RANBP17: variants seen among roughly 807,000 people sequenced by gnomAD.
RANBP17 encodes RAN binding protein 17, also known as ran-binding protein 17.
Under a neutral mutation model 141.2 loss-of-function variants are expected in RANBP17, and 158 were observed. The ratio of observed to expected loss-of-function variants is 1.12; its 90% CI spans 0.98 to 1.28. The LOEUF (loss-of-function observed/expected upper bound fraction) is 1.28. Among genes scored for constraint, RANBP17 ranks in the 50% most tolerant of loss-of-function variants. The probability of loss-of-function intolerance (pLI) is 0.00; values close to 1 mark genes in which losing one functional copy is unlikely to be tolerated. For synonymous variants in RANBP17, 430 were observed against 450.0 expected (o/e 0.96, Z 0.56); for missense variants, 1,438 against 1,290.7 (o/e 1.11, Z -1.75).
intron 22 of RANBP17, among the ~76,000 whole-genome samples, chr5:171,239,248 A>G (rs1467379935): frequency 6.6e-6 from 1 of 152,168 alleles, no homozygotes; most frequent in African/African-American, 2.4e-5. Context: ...ATGGACTTCT[A>G]AGGCTACACA....
At position 171,183,346 on chromosome 5, in the gene RANBP17, A is replaced by C; in HGVS notation, c.1954A>C (p.Ile652Leu). The change falls in exon 18 of 28, where the codon ATC (isoleucine) becomes CTC (leucine). Residue 652 changes from isoleucine (I) to leucine (L), a missense_variant. Ile to Leu is a conservative substitution (Grantham distance 5, BLOSUM62 2). Coordinates refer to ENST00000523189, the MANE Select transcript of RANBP17 (RefSeq NM_022897.5). ...GAGTGAACACTTCCCTTTTCTTGGC[A>C]TCAGTGACAATCATAGTCTCAGCGA... ...HTSEHFPFLG[I>L]SDNHSLSDFR... is the part of the protein sequence containing the mutation. 1.2e-6 allele frequency: 2 copies of C among 1,614,048 alleles called. No homozygotes were observed. Among genetic ancestry groups the C allele is most frequent in the Middle Eastern group, 1.6e-4 (1 of 6,062 alleles).
rs1252409215 is a variant in RANBP17 at position 171,176,104 on chromosome 5, ACT to A, written c.1865+4823_1865+4824del. ...ATTCCTTCCATTTGGCCTCAGACTG[ACT>A]CTCTAAGATTATCCCCTTAAGTTCC... On this transcript the variant is annotated intron_variant, in intron 16 of 27. Transcript: ENST00000523189. 9.2e-5 allele frequency among the ~76,000 whole-genome samples: 14 copies of A among 151,996 alleles called. 1 individual carries two copies. Among genetic ancestry groups the A allele is most frequent in the Admixed American group, 9.2e-4 (14 of 15,248 alleles).
intron 4 of RANBP17, among the ~76,000 whole-genome samples, chr5:170,894,019 G>A (rs962669301): frequency 6.6e-6 from 1 of 152,158 alleles, no homozygotes; most frequent in Non-Finnish European, 1.5e-5. Flanking sequence ...GCTAGGTTAT[G>A]CTGCTTCTGT....
chr5:170,907,654 T>G (rs1771176103), intron 5 of RANBP17, among the ~76,000 whole-genome samples: 2 of 152,140 alleles, frequency 1.3e-5, no homozygotes, highest in South Asian at 2.1e-4. Context: ...AAATCATCCT[T>G]TATTTCAAAA....
At chr5:171,257,477 G>A (rs1765974989) in intron 24 of RANBP17, among the ~76,000 whole-genome samples, 1 of 152,100 alleles carries the variant, frequency 6.6e-6, no homozygotes, top group South Asian at 2.1e-4. Flanking sequence ...AAAGTTGAAA[G>A]CATTCCCTCT....
chr5:171,048,062 A>G, intron 14 of RANBP17, among the ~76,000 whole-genome samples: 1 of 151,876 alleles, frequency 6.6e-6, no homozygotes, highest in East Asian at 1.9e-4. Flanking sequence ...ATTTAATGTG[A>G]GTTTCTGATA....
rs749373427 is a variant in RANBP17, at chr5:171,182,316, T to C, written c.1866-851T>C. On this transcript the variant is annotated intron_variant, in intron 16 of 27. Coordinates refer to ENST00000523189, the MANE Select transcript of RANBP17 (RefSeq NM_022897.5). ...AGGGTATTTGCATACTGACTAGATG[T>C]GTTTAGAATCCACATCATACCTGAA... Among the ~76,000 whole-genome samples, 64 of 152,242 alleles carry C rather than the reference T, an allele frequency of 4.2e-4. 1 individual carries two copies. Among genetic ancestry groups the C allele is most frequent in the Non-Finnish European group, 8.8e-5 (6 of 68,038 alleles).
chr5:171,125,865 A>G (rs765122197), intron 14 of RANBP17, among the ~76,000 whole-genome samples: 1 of 151,218 alleles, frequency 6.6e-6, no homozygotes, highest in Non-Finnish European at 1.5e-5. Flanking sequence ...ATCTCGGCTC[A>G]GTGCAACCTC....
intron 16 of RANBP17, among the ~76,000 whole-genome samples, chr5:171,181,279 T>A (rs1760842157): frequency 6.6e-6 from 1 of 151,980 alleles, no homozygotes; most frequent in Non-Finnish European, 1.5e-5. Flanking sequence ...TGAAACCCCA[T>A]CCCTACTAAA....
intron 14 of RANBP17, among the ~76,000 whole-genome samples, chr5:171,118,081 C>T (rs1349332941): frequency 6.6e-6 from 1 of 152,058 alleles, no homozygotes; most frequent in African/African-American, 2.4e-5. Context: ...ATTTTCCAGA[C>T]CAATGTCCTG....
At chr5:171,099,158 A>G (rs1250982851) in intron 14 of RANBP17, among the ~76,000 whole-genome samples, 1 of 152,092 alleles carries the variant, frequency 6.6e-6, no homozygotes, top group Non-Finnish European at 1.5e-5. Context: ...AAGAAAGTCA[A>G]TGGTAGTTTG....
intron 18 of RANBP17, among the ~76,000 whole-genome samples, chr5:171,187,584 G>A (rs1055084779): frequency 2.0e-5 from 3 of 151,924 alleles, no homozygotes; most frequent in African/African-American, 4.8e-5. Flanking sequence ...GCTAAATGTC[G>A]ACTTTGGGTT....
At chr5:170,934,517 C>T (rs576251980) in intron 12 of RANBP17, among the ~76,000 whole-genome samples, 20 of 152,276 alleles carry the variant, frequency 1.3e-4, no homozygotes, top group African/African-American at 4.6e-4. Flanking sequence ...CAAAATCTCT[C>T]AGCTTTTGTT....
At chr5:170,901,203 T>C (rs972018847) in intron 5 of RANBP17, among the ~76,000 whole-genome samples, 4 of 152,240 alleles carry the variant, frequency 2.6e-5, no homozygotes, top group Admixed American at 6.5e-5. Flanking sequence ...CTGTATTGGA[T>C]GCATGTATAT....
chr5:170,968,481 A>G (rs1426257125), intron 14 of RANBP17, 104 bp downstream of exon 14: 2 of 1,032,112 alleles, frequency 1.9e-6, no homozygotes, highest in Non-Finnish European at 1.5e-6. Flanking sequence ...AAGACGTGTA[A>G]TTGATTAATG....
chr5:170,917,489 A>G (rs1772071226), intron 9 of RANBP17, among the ~76,000 whole-genome samples: 1 of 152,176 alleles, frequency 6.6e-6, no homozygotes, highest in African/African-American at 2.4e-5. Flanking sequence ...ACAGATTTTT[A>G]AAGGTTAAAT....
chr5:170,865,377 A>T (rs1055510083), intron 1 of RANBP17, among the ~76,000 whole-genome samples: 2 of 152,224 alleles, frequency 1.3e-5, no homozygotes, highest in South Asian at 4.1e-4. Context: ...TTGCAGTTTT[A>T]ACAGCAAGGC....
intron 14 of RANBP17, among the ~76,000 whole-genome samples, chr5:171,125,397 T>TAA (rs200607180): frequency 9.9e-5 from 8 of 80,480 alleles, no homozygotes; most frequent in African/African-American, 3.5e-4. Flanking sequence ...AAACAAAGGG[T>TAA]AAAAAAAAAA....
chr5:170,896,239 G>T, intron 5 of RANBP17, 124 bp downstream of exon 5: 1 of 643,128 alleles, frequency 1.6e-6, no homozygotes. Context: ...GAATAATCAA[G>T]TTTTTTGTGT....
Sources: allele counts gnomAD v4.1 joint callset (sites outside exome capture counted in the v4.1 genomes callset), GRCh38; gene constraint gnomAD v4.1.1; transcripts MANE v1.5; gene names NCBI Gene and HGNC (gene_info 2026-07-23, HGNC 2026-07-21).